The following ANKS1B variants were observed in gnomAD, a reference collection of about 807,000 sequenced individuals.
The protein encoded by ANKS1B is ankyrin repeat and sterile alpha motif domain-containing protein 1B.
In ANKS1B, 36 loss-of-function variants were observed where a neutral mutation model predicts 148.3. The observed-to-expected ratio is 0.24, with a 90% CI of 0.19 to 0.32. ANKS1B has a LOEUF of 0.32. ANKS1B is among the 10% of genes least tolerant of loss of function. The probability of loss-of-function intolerance (pLI) is 1.00; values close to 1 mark genes in which losing one functional copy is unlikely to be tolerated. For missense variants in ANKS1B, 1,157 were observed against 1,542.6 expected, an observed-to-expected ratio of 0.75 and a Z score of 4.19; for synonymous variants, 542 against 560.8, an observed-to-expected ratio of 0.97 and a Z score of 0.47.
chr12:99,074,161 ACTT>A lies in ANKS1B; in HGVS notation c.2625+10761_2625+10763del, dbSNP rs1340224891. On this transcript the variant is annotated intron_variant, in intron 16 of 26. Coordinates refer to ENST00000683438, the MANE Select transcript of ANKS1B (RefSeq NM_001352186.2). ...ACTGTTCTTTATTAAATGGGGGTGA[ACTT>A]CTCAGAATTGAAGGATGACGGCTGC... Among the ~76,000 whole-genome samples, 10 of 152,286 alleles carry A rather than the reference ACTT, an allele frequency of 6.6e-5. 1 individual carries two copies. The highest frequency in any genetic ancestry group is 6.5e-4 in the Admixed American group (10 of 15,294).
At chr12:98,873,666 G>C (rs2099678845) in intron 17 of ANKS1B, among the ~76,000 whole-genome samples, 1 of 152,148 alleles carries the variant, frequency 6.6e-6, no homozygotes, top group Non-Finnish European at 1.5e-5. Flanking sequence ...CAACTGCTCT[G>C]AAACCGGCCC....
At chr12:99,930,028 T>G (rs992044813) in intron 1 of ANKS1B, among the ~76,000 whole-genome samples, 2 of 152,170 alleles carry the variant, frequency 1.3e-5, no homozygotes, top group African/African-American at 2.4e-5. Context: ...TTTCCAATTC[T>G]GTGAAGAAAG....
chr12:98,749,041 C>T (rs1209338503), intron 26 of ANKS1B, among the ~76,000 whole-genome samples: 1 of 152,216 alleles, frequency 6.6e-6, no homozygotes, highest in Non-Finnish European at 1.5e-5. Context: ...TCACTGAACA[C>T]CTGCTATGGG....
chr12:99,703,420 T>C (rs961610826), intron 8 of ANKS1B, among the ~76,000 whole-genome samples: 5 of 152,204 alleles, frequency 3.3e-5, no homozygotes, highest in African/African-American at 1.2e-4. Flanking sequence ...TCCATTGCTC[T>C]TCTCAAAAAT....
intron 1 of ANKS1B, among the ~76,000 whole-genome samples, chr12:99,877,224 T>C (rs1054286928): frequency 1.3e-5 from 2 of 152,230 alleles, no homozygotes; most frequent in Non-Finnish European, 2.9e-5. Flanking sequence ...CTCTCTGTGA[T>C]ACCTTTTCCT....
intron 3 of ANKS1B, among the ~76,000 whole-genome samples, chr12:99,811,076 G>A (rs2153666235): frequency 6.6e-6 from 1 of 151,960 alleles, no homozygotes; most frequent in South Asian, 2.1e-4. Flanking sequence ...TTTTTATTGT[G>A]ATAAATATTA....
chr12:99,105,686 G>A (rs1030987923), intron 15 of ANKS1B, among the ~76,000 whole-genome samples: 5 of 148,734 alleles, frequency 3.4e-5, no homozygotes, highest in Admixed American at 2.7e-4. Flanking sequence ...GGAGAATAGC[G>A]TGAACTCGGG....
rs541496851 is a variant in ANKS1B at position 99,252,956 on chromosome 12, G to A, written c.1757-6092C>T. On this transcript the variant is annotated intron_variant, in intron 12 of 26. Transcript: ENST00000683438. ...GGGGCAGTAGGGGCCAGGTGCAGTG[G>A]CTCACACCTGTAACCCCAACAGTTT... Among the ~76,000 whole-genome samples the A allele has an allele frequency of 2.0e-5, 3 of 152,292 alleles. No homozygotes were observed. The South Asian group carries it at 6.2e-4, about 32-fold the overall frequency.
At chr12:99,664,621 T>C (rs938590306) in intron 8 of ANKS1B, among the ~76,000 whole-genome samples, 9 of 152,232 alleles carry the variant, frequency 5.9e-5, no homozygotes, top group African/African-American at 2.2e-4. Context: ...CCATTTTAAA[T>C]GTACATACCT....
intron 10 of ANKS1B, among the ~76,000 whole-genome samples, chr12:99,448,856 T>A (rs2095680559): frequency 6.6e-6 from 1 of 152,042 alleles, no homozygotes; most frequent in African/African-American, 2.4e-5. Context: ...GAGCATAAAT[T>A]CTCTACCATA....
intron 12 of ANKS1B, among the ~76,000 whole-genome samples, chr12:99,328,359 C>T (rs1405198581): frequency 6.6e-6 from 1 of 151,824 alleles, no homozygotes; most frequent in Non-Finnish European, 1.5e-5. Context: ...GGAACTCCCT[C>T]GAATATTCAG....
chr12:98,969,782 G>C (rs2099881624), intron 17 of ANKS1B, among the ~76,000 whole-genome samples: 1 of 152,048 alleles, frequency 6.6e-6, no homozygotes, highest in African/African-American at 2.4e-5. Context: ...TAATACTTCA[G>C]TGGGCTTGAA....
intron 7 of ANKS1B, among the ~76,000 whole-genome samples, chr12:99,773,931 G>A (rs968095244): frequency 1.2e-4 from 19 of 152,026 alleles, no homozygotes; most frequent in African/African-American, 4.3e-4. Context: ...AAATAGTGTT[G>A]GGAAAGTGGA....
chr12:99,380,546 C>G (rs796490512), intron 12 of ANKS1B, among the ~76,000 whole-genome samples: 11 of 152,220 alleles, frequency 7.2e-5, no homozygotes, highest in African/African-American at 2.6e-4. Flanking sequence ...GTTAAATAGG[C>G]AATGGGAAAC....
chr12:98,884,562 G>A (rs2099732923), intron 17 of ANKS1B, among the ~76,000 whole-genome samples: 1 of 152,072 alleles, frequency 6.6e-6, no homozygotes, highest in African/African-American at 2.4e-5. Context: ...CACTTTGGGA[G>A]GCCGAGGCGG....
intron 17 of ANKS1B, among the ~76,000 whole-genome samples, chr12:98,967,268 G>C (rs1237282685): frequency 6.6e-6 from 1 of 152,000 alleles, no homozygotes; most frequent in Non-Finnish European, 1.5e-5. Context: ...CTTTGTTTCC[G>C]ACGTTGATAT....
chr12:99,932,508 C>T (rs1347641185), intron 1 of ANKS1B, among the ~76,000 whole-genome samples: 1 of 152,106 alleles, frequency 6.6e-6, no homozygotes, highest in Admixed American at 6.6e-5. Flanking sequence ...TTTTGATTTG[C>T]ATTTCTCTGA....
At chr12:99,774,272 A>C (rs1009836572) in intron 7 of ANKS1B, among the ~76,000 whole-genome samples, 2 of 152,146 alleles carry the variant, frequency 1.3e-5, no homozygotes, top group Non-Finnish European at 2.9e-5. Context: ...TAAGGAATTC[A>C]CATAACTCAA....
intron 1 of ANKS1B, among the ~76,000 whole-genome samples, chr12:99,846,798 T>C (rs2086739286): frequency 1.3e-5 from 2 of 152,258 alleles, no homozygotes; most frequent in Middle Eastern, 3.4e-3. Context: ...TTAGGAGATA[T>C]AAAGATATGA....
Sources: gnomAD v4.1 joint callset for allele counts (sites outside exome capture counted in the v4.1 genomes callset) on GRCh38, gnomAD v4.1.1 for gene constraint, MANE v1.5 for transcripts, NCBI Gene and HGNC (gene_info 2026-07-23, HGNC 2026-07-21) for gene names.